Variants in LRP1B observed in about 807,000 individuals in gnomAD.
The protein encoded by LRP1B is low-density lipoprotein receptor-related protein 1B.
LRP1B carries 217 observed loss-of-function variants against 556.6 expected under a neutral mutation model. The observed-to-expected ratio is 0.39, with a 90% CI of 0.35 to 0.44. LRP1B has a LOEUF of 0.44. Ranked by LOEUF, LRP1B falls within the 20% of genes least tolerant of loss-of-function variation. The pLI is 1.00. For synonymous variants in LRP1B, 2,047 were observed against 1,865.8 expected (o/e 1.10, Z -2.50); for missense variants, 5,053 against 5,620.8 (o/e 0.90, Z 3.23).
At chr2:141,694,187 A>C (rs1001272647) in intron 2 of LRP1B, among the ~76,000 whole-genome samples, 1 of 151,982 alleles carries the variant, frequency 6.6e-6, no homozygotes, top group Non-Finnish European at 1.5e-5. Context: ...ACAAAATGAC[A>C]TATTGGGATT....
At position 140,886,342 on chromosome 2, in the gene LRP1B, T is replaced by C. The variant is rs777903125; in HGVS notation, c.3767-7A>G. The C allele has an allele frequency of 6.7e-7, 1 of 1,499,006 alleles. No homozygotes were observed. The highest frequency in any genetic ancestry group is 9.1e-7 in the Non-Finnish European group (1 of 1,104,762). 92.9% of individuals were successfully genotyped at this position (1,499,006 alleles called of 1,614,324 possible). A position where few individuals can be genotyped will look rare whatever the true frequency, so the allele number is the denominator to read the frequency against. On this transcript the variant is annotated splice_region_variant and splice_polypyrimidine_tract_variant and intron_variant, in intron 23 of 90. Transcript: ENST00000389484. ...ATGAATGCTTCAAAAGGATCTGAAA[T>C]TAAATTTATTTTTAATAGGCTTATG...
chr2:140,674,272 A>G (rs2105365031), intron 41 of LRP1B, among the ~76,000 whole-genome samples: 1 of 152,244 alleles, frequency 6.6e-6, no homozygotes, highest in East Asian at 1.9e-4. Context: ...ATATTTTGGA[A>G]TGGTCCTGTA....
intron 2 of LRP1B, among the ~76,000 whole-genome samples, chr2:141,786,889 T>A (rs1270625797): frequency 6.6e-6 from 1 of 152,034 alleles, no homozygotes; most frequent in East Asian, 1.9e-4. Context: ...GCTGCATACA[T>A]TGAGATGACT....
intron 2 of LRP1B, among the ~76,000 whole-genome samples, chr2:141,783,577 T>G (rs2105644636): frequency 6.6e-6 from 1 of 152,054 alleles, no homozygotes. Context: ...ATCTCAAAAT[T>G]TATTTATTTA....
At chr2:140,346,057 T>C (rs1043040368) in intron 77 of LRP1B, among the ~76,000 whole-genome samples, 1 of 151,218 alleles carries the variant, frequency 6.6e-6, no homozygotes, top group African/African-American at 2.4e-5. Context: ...TTTATGAGTT[T>C]ATTTAACTTT....
intron 2 of LRP1B, among the ~76,000 whole-genome samples, chr2:141,691,542 C>T (rs1302687541): frequency 6.9e-6 from 1 of 145,686 alleles, no homozygotes; most frequent in Non-Finnish European, 1.5e-5. Flanking sequence ...CAGGCATGAT[C>T]CCAGCCCTGA....
At chr2:141,302,574 TA>T in intron 3 of LRP1B, among the ~76,000 whole-genome samples, 1 of 152,230 alleles carries the variant, frequency 6.6e-6, no homozygotes, top group East Asian at 1.9e-4. Flanking sequence ...AAAAACAAAA[TA>T]ATACAAGCAA....
At position 141,870,733 on chromosome 2, in the gene LRP1B, T is replaced by G. The variant is rs372785937; in HGVS notation, c.83-60332A>C. On this transcript the variant is annotated intron_variant, in intron 1 of 90. Transcript: ENST00000389484. ...GGAGTCATAGGATGGGATATGTCAC[T>G]CTTAGAAAACTTCTCTGTCATAGAA... Among the ~76,000 whole-genome samples the G allele has an allele frequency of 1.6e-4, 25 of 152,034 alleles. No homozygotes were observed. The East Asian group carries it at 1.9e-3, about 12-fold the overall frequency.
At chr2:140,789,535 T>TGA (rs928814539) in intron 32 of LRP1B, among the ~76,000 whole-genome samples, 1 of 151,940 alleles carries the variant, frequency 6.6e-6, no homozygotes, top group African/African-American at 2.4e-5. Context: ...CTTTCTCCCT[T>TGA]GATCCTCCTC....
chr2:140,303,488 C>T (rs544045935), intron 83 of LRP1B, among the ~76,000 whole-genome samples: 90 of 151,986 alleles, frequency 5.9e-4, no homozygotes, highest in Non-Finnish European at 9.4e-4. Context: ...ACATTGTGAT[C>T]CTCCTACCTC....
chr2:141,494,304 C>T (rs1468549955), intron 2 of LRP1B, among the ~76,000 whole-genome samples: 1 of 152,092 alleles, frequency 6.6e-6, no homozygotes, highest in Non-Finnish European at 1.5e-5. Context: ...TGACACTGGG[C>T]AAGTTAGTAC....
intron 7 of LRP1B, among the ~76,000 whole-genome samples, chr2:141,175,931 G>A (rs922264023): frequency 6.6e-6 from 1 of 152,106 alleles, no homozygotes; most frequent in Admixed American, 6.6e-5. Context: ...AAGACATGGA[G>A]TCAAAGGAAA....
rs538258583 is a variant in LRP1B at position 140,588,769 on chromosome 2, C to T, written c.7194+9862G>A. On this transcript the variant is annotated intron_variant, in intron 43 of 90. Coordinates refer to ENST00000389484, the MANE Select transcript of LRP1B (RefSeq NM_018557.3). ...TCACGAGGTCAGGAGATCAGCCTGG[C>T]TAACACGGTGAAACCCTGTCTCTCC... Among the ~76,000 whole-genome samples, 4 of 152,184 alleles carry T rather than the reference C, an allele frequency of 2.6e-5. No homozygotes were observed. In the East Asian group the frequency reaches 5.8e-4, roughly 22 times the overall value.
At chr2:141,639,363 C>CACACAT (rs1458252676) in intron 2 of LRP1B, among the ~76,000 whole-genome samples, 6 of 66,066 alleles carry the variant, frequency 9.1e-5, no homozygotes, top group African/African-American at 2.2e-4. Flanking sequence ...CACACACACA[C>CACACAT]ATATATATAT....
In LRP1B at chr2:140,435,987, T is replaced by A. The variant is rs148774839; in HGVS notation, c.10414+6517A>T. Reference sequence around the variant, plus strand: ...CTCTCTTCCTTTCTCTCTCTCTCTCTCTCACACACACACACACCCAAATAT... The same window carrying A: ...CTCTCTTCCTTTCTCTCTCTCTCTCACTCACACACACACACACCCAAATAT... On this transcript the variant is annotated intron_variant, in intron 66 of 90. Transcript: ENST00000389484. 3.1e-3 allele frequency among the ~76,000 whole-genome samples: 469 copies of A among 151,556 alleles called. 1 individual carries two copies. Among genetic ancestry groups the A allele is most frequent in the African/African-American group, 0.011 (442 of 41,358 alleles).
At chr2:141,515,737 A>G (rs1485238856) in intron 2 of LRP1B, among the ~76,000 whole-genome samples, 4 of 152,208 alleles carry the variant, frequency 2.6e-5, no homozygotes, top group Non-Finnish European at 4.4e-5. Context: ...GGGAAATGAT[A>G]TGATATGATA....
intron 5 of LRP1B, among the ~76,000 whole-genome samples, chr2:141,239,237 G>T (rs899151067): frequency 6.6e-6 from 1 of 152,112 alleles, no homozygotes; most frequent in Non-Finnish European, 1.5e-5. Flanking sequence ...GTTGTCAGTT[G>T]TGTGCTTAAG....
intron 3 of LRP1B, among the ~76,000 whole-genome samples, chr2:141,360,716 A>T (rs1688793347): frequency 6.6e-6 from 1 of 152,232 alleles, no homozygotes; most frequent in Non-Finnish European, 1.5e-5. Flanking sequence ...CCCCGGCAGG[A>T]GGACCTGCAG....
At chr2:142,010,359 C>T (rs1702917661) in intron 1 of LRP1B, among the ~76,000 whole-genome samples, 1 of 151,864 alleles carries the variant, frequency 6.6e-6, no homozygotes, top group Non-Finnish European at 1.5e-5. Context: ...TCGAGACCAT[C>T]CTGGCTAACA....
Sources: gnomAD v4.1 joint callset for allele counts (sites outside exome capture counted in the v4.1 genomes callset) on GRCh38, gnomAD v4.1.1 for gene constraint, MANE v1.5 for transcripts, NCBI Gene and HGNC (gene_info 2026-07-23, HGNC 2026-07-21) for gene names.